PDZRN3: variants seen among roughly 807,000 people sequenced by gnomAD.
PDZRN3 encodes the protein E3 ubiquitin-protein ligase PDZRN3.
A neutral mutation model predicts 85.7 loss-of-function variants in PDZRN3; 38 were observed. The ratio of observed to expected loss-of-function variants is 0.44; its 90% CI spans 0.34 to 0.58. The LOEUF (loss-of-function observed/expected upper bound fraction) is 0.58. PDZRN3 is among the 20% of genes least tolerant of loss of function. PDZRN3 has a pLI of 0.01. For missense variants in PDZRN3, 1,629 were observed against 1,506.4 expected (o/e 1.08, Z -1.35); for synonymous variants, 759 against 638.0 (o/e 1.19, Z -2.86).
chr3:73,567,174 T>A (rs911349890), intron 3 of PDZRN3, among the ~76,000 whole-genome samples: 11 of 152,190 alleles, frequency 7.2e-5, no homozygotes, highest in Admixed American at 2.0e-4. Context: ...AAAAGCAACA[T>A]GTTATAAGAA....
intron 3 of PDZRN3, among the ~76,000 whole-genome samples, chr3:73,477,711 T>C (rs1476803787): frequency 1.3e-5 from 2 of 152,186 alleles, no homozygotes; most frequent in African/African-American, 2.4e-5. Context: ...AAATCATCAC[T>C]ATCTTTGTGT....
At chr3:73,406,710 A>G (rs1265712000) in intron 3 of PDZRN3, among the ~76,000 whole-genome samples, 1 of 152,212 alleles carries the variant, frequency 6.6e-6, no homozygotes, top group African/African-American at 2.4e-5. Context: ...CAGTATACAA[A>G]TACCAGGCCT....
chr3:73,423,897 A>G (rs779490740), intron 3 of PDZRN3, among the ~76,000 whole-genome samples: 7 of 152,214 alleles, frequency 4.6e-5, no homozygotes, highest in Non-Finnish European at 1.0e-4. Context: ...GTATGGAATT[A>G]CAAAGAATGT....
rs536405221 is a variant in PDZRN3 at position 73,534,450 on chromosome 3, G to A, written c.918+67904C>T. ...TTTGGAAATGAATTTTACAGCTAGT[G>A]CATCTCATTTTATGTGTTGATTTTT... On this transcript the variant is annotated intron_variant, in intron 3 of 9. Coordinates refer to ENST00000263666, the MANE Select transcript of PDZRN3 (RefSeq NM_015009.3). Among the ~76,000 whole-genome samples, 36 of 152,300 alleles carry A rather than the reference G, an allele frequency of 2.4e-4. 1 individual carries two copies. The highest frequency in any genetic ancestry group is 7.7e-4 in the African/African-American group (32 of 41,548).
At chr3:73,623,137 T>A (rs13062732) in intron 1 of PDZRN3, among the ~76,000 whole-genome samples, 72,736 of 152,062 alleles carry the variant, frequency 0.48, 20,301 homozygotes, top group East Asian at 0.7. Context: ...CAGGTGGAGA[T>A]GTTAAAAATA....
chr3:73,609,599 G>A (rs541194362), intron 1 of PDZRN3, among the ~76,000 whole-genome samples: 9 of 152,008 alleles, frequency 5.9e-5, no homozygotes, highest in African/African-American at 2.2e-4. Context: ...CCTATAAATC[G>A]GCATTTGCTT....
intron 3 of PDZRN3, among the ~76,000 whole-genome samples, chr3:73,407,692 T>C (rs751592097): frequency 3.9e-5 from 6 of 152,188 alleles, no homozygotes; most frequent in Non-Finnish European, 8.8e-5. Flanking sequence ...GATACATTTT[T>C]ATAAACCAAA....
chr3:73,385,863 C>A (rs1220482472), intron 8 of PDZRN3, 78 bp from the exon 9 acceptor site: 3 of 841,432 alleles, frequency 3.6e-6, no homozygotes, highest in Non-Finnish European at 6.1e-6. Context: ...AATGACATTA[C>A]CTTGGGGGAA....
intron 3 of PDZRN3, among the ~76,000 whole-genome samples, chr3:73,518,500 A>C (rs1314847737): frequency 7.9e-5 from 12 of 152,242 alleles, no homozygotes; most frequent in Admixed American, 7.8e-4. Context: ...AAGGTGGTAC[A>C]TTTTATGTTA....
chr3:73,518,715 C>A (rs1024462364), intron 3 of PDZRN3, among the ~76,000 whole-genome samples: 3 of 152,092 alleles, frequency 2.0e-5, no homozygotes, highest in African/African-American at 7.2e-5. Flanking sequence ...GGGCCTGCTT[C>A]CCAGTTCATA....
intron 3 of PDZRN3, among the ~76,000 whole-genome samples, chr3:73,418,365 G>A (rs1208338601): frequency 6.6e-6 from 1 of 152,160 alleles, no homozygotes; most frequent in Non-Finnish European, 1.5e-5. Flanking sequence ...ATGTATAGGT[G>A]AGTCCATTGA....
At chr3:73,489,678 T>C (rs1270950469) in intron 3 of PDZRN3, among the ~76,000 whole-genome samples, 1 of 149,588 alleles carries the variant, frequency 6.7e-6, no homozygotes, top group Non-Finnish European at 1.5e-5. Flanking sequence ...GTTCAAGCGA[T>C]TCTCCTGCTT....
At chr3:73,580,827 G>A (rs1038329365) in intron 3 of PDZRN3, among the ~76,000 whole-genome samples, 1 of 152,170 alleles carries the variant, frequency 6.6e-6, no homozygotes, top group African/African-American at 2.4e-5. Context: ...GAGTAATTCT[G>A]CCTAAATTAC....
chr3:73,402,545 C>T (rs1701770134), intron 4 of PDZRN3: 1 of 152,198 alleles, frequency 6.6e-6, no homozygotes, highest in Non-Finnish European at 1.5e-5. Context: ...TAGTTCTTTG[C>T]ACATGTGCAC....
At chr3:73,525,414 CTCCT>C (rs1704498516) in intron 3 of PDZRN3, among the ~76,000 whole-genome samples, 2 of 152,316 alleles carry the variant, frequency 1.3e-5, no homozygotes, top group South Asian at 2.1e-4. Context: ...TTCAAAACTT[CTCCT>C]TCCTTCTGTT....
chr3:73,591,623 T>C (rs1231221306), intron 3 of PDZRN3, among the ~76,000 whole-genome samples: 1 of 152,198 alleles, frequency 6.6e-6, no homozygotes, highest in Non-Finnish European at 1.5e-5. Flanking sequence ...CAACACAGCA[T>C]AGCTAACCAC....
chr3:73,611,969 G>T (rs1467640357), intron 1 of PDZRN3, among the ~76,000 whole-genome samples: 7 of 152,130 alleles, frequency 4.6e-5, no homozygotes. Flanking sequence ...TAAGGGCAAA[G>T]GCTCTTATCG....
chr3:73,416,875 G>GTTTTTTTTTTTTTTTTTTTTTTTTTTTT (rs1491373717), intron 3 of PDZRN3, among the ~76,000 whole-genome samples: 1 of 40,750 alleles, frequency 2.5e-5, no homozygotes, highest in Non-Finnish European at 5.2e-5. Context: ...GTTTTTTTTT[G>GTTTTTTTTTTTTTTTTTTTTTTTTTTTT]GTTTTTTTTT....
intron 6 of PDZRN3, 23 bp downstream of exon 6, chr3:73,390,995 A>AAAAAC (rs1465980460): frequency 3.2e-6 from 5 of 1,543,202 alleles, no homozygotes; most frequent in Non-Finnish European, 3.6e-6. Flanking sequence ...CGATAGTTAG[A>AAAAAC]AAAACAAAAT....
Sources: allele counts gnomAD v4.1 joint callset (sites outside exome capture counted in the v4.1 genomes callset), GRCh38; gene constraint gnomAD v4.1.1; transcripts MANE v1.5; gene names NCBI Gene and HGNC (gene_info 2026-07-23, HGNC 2026-07-21).